The following THSD7A variants were observed in gnomAD, a reference collection of about 807,000 sequenced individuals.
THSD7A encodes thrombospondin type 1 domain containing 7A.
THSD7A carries 96 observed loss-of-function variants against 231.3 expected under a neutral mutation model. The observed-to-expected ratio is 0.41, with a 90% confidence interval of 0.35 to 0.49. The LOEUF (loss-of-function observed/expected upper bound fraction) is 0.49. Among genes scored for constraint, THSD7A ranks in the 20% least tolerant of loss-of-function variants. The pLI, the probability that THSD7A is intolerant of heterozygous loss-of-function variation, is 0.05. For missense variants in THSD7A, 2,290 were observed against 2,070.2 expected, an observed-to-expected ratio of 1.11 and a Z score of -2.06; for synonymous variants, 940 against 743.3, an observed-to-expected ratio of 1.26 and a Z score of -4.30.
intron 1 of THSD7A, among the ~76,000 whole-genome samples, chr7:11,774,487 TACACACACACACAC>T (rs71830837): frequency 0.16 from 23,228 of 149,004 alleles, 2,232 homozygotes; most frequent in Admixed American, 0.26. Flanking sequence ...TAAGCATTCT[TACACACACACACAC>T]ACACACACAC....
chr7:11,399,321 C>T (rs1046767296), intron 23 of THSD7A, among the ~76,000 whole-genome samples: 1 of 152,018 alleles, frequency 6.6e-6, no homozygotes, highest in Non-Finnish European at 1.5e-5. Context: ...AGCTATTCAC[C>T]GAATTATATT....
chr7:11,501,214 C>T (rs563308851), intron 6 of THSD7A, among the ~76,000 whole-genome samples: 3 of 152,144 alleles, frequency 2.0e-5, no homozygotes, highest in Non-Finnish European at 4.4e-5. Flanking sequence ...CAGTATTAGA[C>T]AGATCATTGA....
chr7:11,636,189 A>C lies in THSD7A; in HGVS notation c.963T>G (p.Ile321Met), dbSNP rs2128360123. The stretch of plus-strand genomic sequence containing the variant: ...ACATAACCTCTCTGGTCTGATATCC[A>C]ATCTGGATGTCCCAATATTTGTTCT... ...RQENKYWDIQ[I>M]GYQTREVMCI... Residue 321 changes from isoleucine to methionine, a missense_variant, in exon 2 of 28, where the codon ATT becomes ATG. Physicochemically the swap from Ile to Met is conservative, Grantham distance 10. Coordinates refer to ENST00000423059, the MANE Select transcript of THSD7A (RefSeq NM_015204.3). The surrounding 1 kb of genome is among the most constrained non-coding windows in gnomAD (Gnocchi z 10.0). The C allele has an allele frequency of 6.2e-7, 1 of 1,613,980 alleles. No homozygotes were observed. Among genetic ancestry groups the C allele is most frequent in the South Asian group, 1.1e-5 (1 of 91,068 alleles).
Position 11,640,587 on chromosome 7 carries a change from G to T in THSD7A, c.191-3626C>A, listed in dbSNP as rs192885748. On this transcript the variant is annotated intron_variant, in intron 1 of 27. Transcript: ENST00000423059. ...ATATTTTGGATAACTAAATATGCAC[G>T]ATGTTTTTCTGAAATTAGCATTGTC... 1.3e-3 allele frequency among the ~76,000 whole-genome samples: 195 copies of T among 152,134 alleles called. 3 individuals carry two copies. The East Asian group carries it at 0.031, about 24-fold the overall frequency.
At chr7:11,443,689 C>T (rs981472611) in intron 13 of THSD7A, among the ~76,000 whole-genome samples, 3 of 151,682 alleles carry the variant, frequency 2.0e-5, no homozygotes, top group African/African-American at 4.8e-5. Flanking sequence ...TGCCCAACAA[C>T]GTGAATGTAC....
intron 1 of THSD7A, among the ~76,000 whole-genome samples, chr7:11,817,150 A>G (rs1453100108): frequency 1.3e-5 from 2 of 152,224 alleles, no homozygotes; most frequent in South Asian, 2.1e-4. Context: ...TAGGATATTC[A>G]TATATCACAC....
In THSD7A at chr7:11,832,135, C is replaced by A; in HGVS notation, c.-189G>T. 1 of 361,870 alleles carries A rather than the reference C, an allele frequency of 2.8e-6. No individual in the cohort carries two copies. The highest frequency in any genetic ancestry group is 4.8e-6 in the Non-Finnish European group (1 of 209,606). The allele number at this position is 361,870 out of a possible 1,614,324, so 22.4% of individuals were successfully genotyped here. A position where few individuals can be genotyped will look rare whatever the true frequency, so the allele number is the denominator to read the frequency against. ...ATAGCGTCCGCGGTGGTGGCCGTGG[C>A]CGCTGCCGCCGCCGCCGCCGCCTCT... On this transcript the variant is annotated 5_prime_UTR_variant, in exon 1 of 28. Transcript: ENST00000423059.
chr7:11,407,944 A>G (rs1278742404), intron 19 of THSD7A, among the ~76,000 whole-genome samples: 1 of 152,220 alleles, frequency 6.6e-6, no homozygotes, highest in Non-Finnish European at 1.5e-5. Context: ...TTTTAAAAAA[A>G]GAAATATGGG....
intron 5 of THSD7A, 66 bp from the exon 6 acceptor site, chr7:11,541,697 T>C: frequency 6.9e-7 from 1 of 1,452,362 alleles, no homozygotes; most frequent in Non-Finnish European, 9.5e-7. Flanking sequence ...GAAAGTTGAA[T>C]AAAACCTCAG....
At chr7:11,490,750 A>G (rs7776931) in intron 6 of THSD7A, among the ~76,000 whole-genome samples, 3 of 152,042 alleles carry the variant, frequency 2.0e-5, no homozygotes, top group Non-Finnish European at 4.4e-5. Flanking sequence ...TGTGCTCCAC[A>G]TTTAGTTTTT....
intron 7 of THSD7A, 58 bp downstream of exon 7, chr7:11,481,730 A>G: frequency 2.7e-6 from 4 of 1,474,912 alleles, no homozygotes; most frequent in Non-Finnish European, 3.6e-6. Context: ...GCTACACAAA[A>G]AAGATGCACA....
chr7:11,721,730 T>C lies in THSD7A; in HGVS notation c.191-84769A>G, dbSNP rs1207935046. Among the ~76,000 whole-genome samples, 9 of 151,934 alleles carry C rather than the reference T, an allele frequency of 5.9e-5. No homozygotes were observed. In the East Asian group the frequency reaches 1.6e-3, roughly 26 times the overall value. On this transcript the variant is annotated intron_variant, in intron 1 of 27. Transcript: ENST00000423059. ...CCTTGCCTCTCTTTAATTGTTGCCA[T>C]AGTGATATTTCAAAACTGGAAAACT... is the stretch of plus-strand genomic sequence containing the variant.
intron 1 of THSD7A, among the ~76,000 whole-genome samples, chr7:11,759,821 A>G (rs1782798397): frequency 6.6e-6 from 1 of 152,084 alleles, no homozygotes; most frequent in Non-Finnish European, 1.5e-5. Context: ...TCAAATATCA[A>G]CAAATTGAGA....
intron 6 of THSD7A, among the ~76,000 whole-genome samples, chr7:11,482,452 A>G (rs1786467493): frequency 6.6e-6 from 1 of 152,170 alleles, no homozygotes; most frequent in African/African-American, 2.4e-5. Flanking sequence ...TGTGTCTCTC[A>G]GAGTAGTTAT....
intron 1 of THSD7A, among the ~76,000 whole-genome samples, chr7:11,745,460 T>A (rs1782264066): frequency 6.6e-6 from 1 of 152,148 alleles, no homozygotes; most frequent in Non-Finnish European, 1.5e-5. Context: ...TATATCCCAT[T>A]TGTCAATTTT....
At chr7:11,450,089 A>G (rs39180) in intron 11 of THSD7A, among the ~76,000 whole-genome samples, 30,106 of 151,962 alleles carry the variant, frequency 0.2, 3,854 homozygotes, top group South Asian at 0.42. Context: ...ATTAGATGAA[A>G]CTGACTTAGG....
intron 1 of THSD7A, among the ~76,000 whole-genome samples, chr7:11,788,546 A>C (rs1783857681): frequency 6.6e-6 from 1 of 152,030 alleles, no homozygotes; most frequent in East Asian, 1.9e-4. Flanking sequence ...TATGTTATTC[A>C]GGACCGAGAG....
At position 11,630,355 on chromosome 7, in the gene THSD7A, C is replaced by T. The variant is rs1165445656; in HGVS notation, c.1022+5775G>A. ...GAAATCCACTTTAAGAAGTATTATTCATTACTCTCTGAAATGCTAAGGCTG... is the reference window on the plus strand; with the variant it reads ...GAAATCCACTTTAAGAAGTATTATTTATTACTCTCTGAAATGCTAAGGCTG... On this transcript the variant is annotated intron_variant, in intron 2 of 27. Transcript: ENST00000423059. 1.3e-5 allele frequency among the ~76,000 whole-genome samples: 2 copies of T among 152,140 alleles called. 1 individual carries two copies. Among genetic ancestry groups the T allele is most frequent in the African/African-American group, 4.8e-5 (2 of 41,430 alleles).
intron 4 of THSD7A, among the ~76,000 whole-genome samples, chr7:11,556,251 T>C (rs1257664763): frequency 6.6e-6 from 1 of 151,538 alleles, no homozygotes; most frequent in Non-Finnish European, 1.5e-5. Context: ...GCTGTAGATA[T>C]TACATTACAT....
Sources: gnomAD v4.1 joint callset for allele counts (sites outside exome capture counted in the v4.1 genomes callset) on GRCh38, gnomAD v4.1.1 for gene constraint, Gnocchi (gnomAD v3.1) non-coding constraint, MANE v1.5 for transcripts, NCBI Gene and HGNC (gene_info 2026-07-23, HGNC 2026-07-21) for gene names.